The following KDM4C variants were observed in gnomAD, a reference collection of about 807,000 sequenced individuals.
The protein encoded by KDM4C is lysine-specific demethylase 4C.
KDM4C carries 81 observed loss-of-function variants against 129.3 expected under a neutral mutation model. The ratio of observed to expected loss-of-function variants is 0.63; its 90% CI spans 0.52 to 0.75. The LOEUF (loss-of-function observed/expected upper bound fraction) is 0.75, where lower values mean the gene tolerates loss of function less well. Ranked by LOEUF, KDM4C falls within the 30% of genes least tolerant of loss-of-function variation. KDM4C has a pLI of 0.00. For missense variants in KDM4C, 1,457 were observed against 1,304.0 expected, an observed-to-expected ratio of 1.12 and a Z score of -1.81; for synonymous variants, 573 against 456.1, an observed-to-expected ratio of 1.26 and a Z score of -3.26.
At chr9:6,889,259 G>GTGTGTGTGTGTGTGT (rs1352259041) in intron 7 of KDM4C, among the ~76,000 whole-genome samples, 2 of 148,522 alleles carry the variant, frequency 1.3e-5, no homozygotes, top group African/African-American at 2.5e-5. Context: ...GTGGGAGGGT[G>GTGTGTGTGTGTGTGT]GGGGGGATTT....
intron 1 of KDM4C, among the ~76,000 whole-genome samples, chr9:6,769,205 TG>T (rs1821265005): frequency 2.0e-5 from 3 of 152,082 alleles, no homozygotes; most frequent in Admixed American, 6.6e-5. Flanking sequence ...CTAAGCTTGC[TG>T]TTTTTTTTTT....
Position 6,747,503 on chromosome 9 carries a change from G to A in KDM4C, c.49+26506G>A, listed in dbSNP as rs558852447. Among the ~76,000 whole-genome samples the A allele has an allele frequency of 1.9e-3, 258 of 138,142 alleles. 2 individuals carry two copies. Among genetic ancestry groups the A allele is most frequent in the Non-Finnish European group, 3.1e-3 (204 of 66,530 alleles). The allele number at this position is 138,142 out of a possible 152,430, so 90.6% of individuals were successfully genotyped here. A position where few individuals can be genotyped will look rare whatever the true frequency, so the allele number is the denominator to read the frequency against. Reference sequence around the variant, plus strand: ...GCAGAGATTGCAGTGAGCCGAGATCGCGCCACTGCACTCCAACCTGGATGA... The same window carrying A: ...GCAGAGATTGCAGTGAGCCGAGATCACGCCACTGCACTCCAACCTGGATGA... On this transcript the variant is annotated intron_variant, in intron 1 of 17. Transcript: ENST00000536108.
At chr9:7,174,429 T>G (rs1325989142) in intron 21 of KDM4C, 124 bp from the exon 22 acceptor site, 2 of 841,756 alleles carry the variant, frequency 2.4e-6, no homozygotes, top group Non-Finnish European at 3.8e-6. Flanking sequence ...CTGGGGCCCT[T>G]TTAGCCTGAG....
At chr9:7,034,330 T>C (rs986134094) in intron 15 of KDM4C, among the ~76,000 whole-genome samples, 4 of 152,234 alleles carry the variant, frequency 2.6e-5, no homozygotes, top group African/African-American at 4.8e-5. Flanking sequence ...TAATTTTTTA[T>C]CTTTTAACAC....
chr9:6,777,281 C>T (rs1823287032), intron 1 of KDM4C, among the ~76,000 whole-genome samples: 1 of 152,192 alleles, frequency 6.6e-6, no homozygotes, highest in Non-Finnish European at 1.5e-5. Flanking sequence ...TCCTTTCTGC[C>T]ACTTACGTTC....
intron 8 of KDM4C, among the ~76,000 whole-genome samples, chr9:6,905,721 C>G (rs150257457): frequency 6.0e-4 from 92 of 152,168 alleles, no homozygotes; most frequent in Non-Finnish European, 1.1e-3. Context: ...ATTTATGTTG[C>G]TTTTTGATCC....
At chr9:6,995,728 G>A (rs1008963447) in intron 12 of KDM4C, among the ~76,000 whole-genome samples, 2 of 152,126 alleles carry the variant, frequency 1.3e-5, no homozygotes, top group Non-Finnish European at 2.9e-5. Context: ...CTGGAGTGCA[G>A]TGGCGCAGTC....
intron 17 of KDM4C, among the ~76,000 whole-genome samples, chr9:7,098,801 T>G (rs1295483051): frequency 6.6e-6 from 1 of 152,230 alleles, no homozygotes; most frequent in Non-Finnish European, 1.5e-5. Context: ...TCCTCTTTAC[T>G]GTAGAACTCA....
At chr9:7,166,820 A>G (rs532002790) in intron 20 of KDM4C, among the ~76,000 whole-genome samples, 38 of 152,342 alleles carry the variant, frequency 2.5e-4, no homozygotes, top group African/African-American at 8.4e-4. Flanking sequence ...ATGATGGTCT[A>G]TCAACATAAA....
At chr9:7,048,639 A>C (rs1002215780) in intron 16 of KDM4C, among the ~76,000 whole-genome samples, 2 of 152,124 alleles carry the variant, frequency 1.3e-5, no homozygotes, top group African/African-American at 4.8e-5. Context: ...TTTGCTACTT[A>C]AACAAGTTTG....
At chr9:6,997,086 T>C (rs181733350) in intron 12 of KDM4C, among the ~76,000 whole-genome samples, 1 of 152,342 alleles carries the variant, frequency 6.6e-6, no homozygotes, top group African/African-American at 2.4e-5. Flanking sequence ...TGCCTGCGTT[T>C]ACAAAGTAGT....
At chr9:6,971,050 T>A (rs60372757) in intron 8 of KDM4C, among the ~76,000 whole-genome samples, 2,297 of 152,232 alleles carry the variant, frequency 0.015, 54 homozygotes, top group African/African-American at 0.052. Flanking sequence ...TCCTTTTTTT[T>A]AAAAAGAAAA....
rs186925102 is a variant in KDM4C at position 6,825,831 on chromosome 9, G to C, written c.435+11086G>C. Among the ~76,000 whole-genome samples the C allele has an allele frequency of 4.2e-3, 645 of 152,080 alleles. 5 individuals are homozygous for C. Among genetic ancestry groups the C allele is most frequent in the African/African-American group, 0.015 (617 of 41,482 alleles). The stretch of plus-strand genomic sequence containing the variant: ...TTATTTATTTCTCTGTCTCTCTTAA[G>C]ACAAGGTCTCACTCCATTGCACAGC... On this transcript the variant is annotated intron_variant, in intron 4 of 21. Transcript: ENST00000381309.
rs891183767 is a variant in KDM4C at position 7,091,974 on chromosome 9, T to C, written c.2425-11711T>C. ...GTGTTATTTGTTTAACGTCCCTTAC[T>C]TTTTGTCTCTTTTTCATATATACCC... On this transcript the variant is annotated intron_variant, in intron 17 of 21. Coordinates refer to ENST00000381309, the MANE Select transcript of KDM4C (RefSeq NM_015061.6). Among the ~76,000 whole-genome samples the C allele has an allele frequency of 2.0e-5, 3 of 152,232 alleles. No individual in the cohort carries two copies. The South Asian group carries it at 6.2e-4, about 31-fold the overall frequency.
chr9:7,155,511 C>T (rs897249917), intron 19 of KDM4C, among the ~76,000 whole-genome samples: 4 of 152,194 alleles, frequency 2.6e-5, no homozygotes, highest in African/African-American at 9.6e-5. Context: ...TCCCGCATCC[C>T]CCCACCCCTC....
chr9:6,742,558 C>CT (rs113102026), intron 1 of KDM4C, among the ~76,000 whole-genome samples: 36,598 of 139,264 alleles, frequency 0.26, 5,208 homozygotes, highest in African/African-American at 0.38. Flanking sequence ...GTTTCTTCAA[C>CT]TTTTTTTTTT....
At chr9:6,833,729 C>CA (rs745572386) in intron 4 of KDM4C, among the ~76,000 whole-genome samples, 3 of 152,182 alleles carry the variant, frequency 2.0e-5, no homozygotes, top group Non-Finnish European at 2.9e-5. Flanking sequence ...CTGCAGGTGG[C>CA]AGTACTAAAG....
intron 1 of KDM4C, among the ~76,000 whole-genome samples, chr9:6,783,399 C>G (rs762421840): frequency 1.9e-4 from 29 of 152,190 alleles, no homozygotes; most frequent in Admixed American, 3.3e-4. Flanking sequence ...ATTATTGTCT[C>G]TATACAGCTT....
At chr9:7,007,080 C>T (rs1355301682) in intron 12 of KDM4C, among the ~76,000 whole-genome samples, 4 of 152,212 alleles carry the variant, frequency 2.6e-5, no homozygotes, top group African/African-American at 9.6e-5. Context: ...CCATTTCCAC[C>T]TCACAGTAGT....
Sources: gnomAD v4.1 joint callset for allele counts (sites outside exome capture counted in the v4.1 genomes callset) on GRCh38, gnomAD v4.1.1 for gene constraint, MANE v1.5 for transcripts, NCBI Gene and HGNC (gene_info 2026-07-23, HGNC 2026-07-21) for gene names.